Variants in VWA8 observed in about 807,000 individuals in gnomAD.
VWA8 encodes the protein von Willebrand factor A domain containing 8, also known as von Willebrand factor A domain-containing protein 8.
Under a neutral mutation model 241.5 loss-of-function variants are expected in VWA8, and 221 were observed. The ratio of observed to expected loss-of-function variants is 0.91; its 90% CI spans 0.82 to 1.02. The LOEUF is 1.02. VWA8 is among the 50% of genes least tolerant of loss of function. The pLI is 0.00. For missense variants in VWA8, 2,322 were observed against 2,328.7 expected, an observed-to-expected ratio of 1.00 and a Z score of 0.06; for synonymous variants, 852 against 827.1, an observed-to-expected ratio of 1.03 and a Z score of -0.52.
intron 34 of VWA8, among the ~76,000 whole-genome samples, chr13:41,685,627 A>C (rs943159023): frequency 1.5e-4 from 23 of 152,216 alleles, no homozygotes; most frequent in African/African-American, 5.5e-4. Context: ...CTGCTTTGTC[A>C]ATAATCATAA....
intron 2 of VWA8, among the ~76,000 whole-genome samples, chr13:41,944,799 C>T (rs915905917): frequency 6.6e-6 from 1 of 151,826 alleles, no homozygotes; most frequent in Non-Finnish European, 1.5e-5. Context: ...CTACTGTATG[C>T]AAACAGCACT....
At chr13:41,645,449 C>T (rs113078214) in intron 37 of VWA8, among the ~76,000 whole-genome samples, 2 of 152,210 alleles carry the variant, frequency 1.3e-5, no homozygotes, top group African/African-American at 4.8e-5. Context: ...TGACCTCACT[C>T]AGGAAGTTCA....
At chr13:41,641,831 G>A (rs114228351) in intron 37 of VWA8, among the ~76,000 whole-genome samples, 328 of 151,526 alleles carry the variant, frequency 2.2e-3, no homozygotes, top group African/African-American at 7.5e-3. Flanking sequence ...TGGGAGAAGT[G>A]GAAAACCTTT....
chr13:41,694,539 A>G (rs1222914041), intron 29 of VWA8, among the ~76,000 whole-genome samples: 2 of 152,074 alleles, frequency 1.3e-5, no homozygotes, highest in Admixed American at 6.6e-5. Flanking sequence ...GATATCTTAG[A>G]GTTTTCCTTA....
At position 41,913,737 on chromosome 13, in the gene VWA8, C is replaced by T. The variant is rs533145128; in HGVS notation, c.242-1569G>A. ...GGTTTATCATGTCACTGGAGTCACACTAAAGCATATTATAATCTCCCCAAA... is the reference window on the plus strand; with the variant it reads ...GGTTTATCATGTCACTGGAGTCACATTAAAGCATATTATAATCTCCCCAAA... On this transcript the variant is annotated intron_variant, in intron 2 of 44. Transcript: ENST00000379310. 2.0e-5 allele frequency among the ~76,000 whole-genome samples: 3 copies of T among 152,296 alleles called. No individual in the cohort carries two copies. In the South Asian group the frequency reaches 6.2e-4, roughly 32 times the overall value.
At chr13:41,603,702 G>A (rs1398753443) in intron 40 of VWA8, among the ~76,000 whole-genome samples, 1 of 152,048 alleles carries the variant, frequency 6.6e-6, no homozygotes, top group Non-Finnish European at 1.5e-5. Context: ...TCCCACCAGG[G>A]TGTGCTTTTC....
chr13:41,899,611 TC>T (rs1875323014), intron 4 of VWA8, among the ~76,000 whole-genome samples: 1 of 152,202 alleles, frequency 6.6e-6, no homozygotes, highest in South Asian at 2.1e-4. Flanking sequence ...TCCTGGTTCT[TC>T]CTTAAAATAG....
chr13:41,752,663 C>G (rs1274232982), intron 21 of VWA8, among the ~76,000 whole-genome samples: 1 of 152,022 alleles, frequency 6.6e-6, no homozygotes, highest in Non-Finnish European at 1.5e-5. Flanking sequence ...CAGTGCAAAC[C>G]AATGTTTGAT....
chr13:41,886,708 T>TAATC (rs1166999689), intron 7 of VWA8, 73 bp downstream of exon 7: 9 of 1,224,692 alleles, frequency 7.3e-6, no homozygotes, highest in African/African-American at 1.5e-5. Context: ...CTGAATTAAT[T>TAATC]AATCAATCAA....
chr13:41,720,820 A>G (rs1321529698), intron 25 of VWA8, among the ~76,000 whole-genome samples: 2 of 152,048 alleles, frequency 1.3e-5, no homozygotes, highest in Admixed American at 1.3e-4. Context: ...TTGTTCTGTA[A>G]GTAAGATTTA....
In VWA8 at chr13:41,711,747, G is replaced by A. The variant is rs562109859; in HGVS notation, c.3116+7844C>T. Among the ~76,000 whole-genome samples the A allele has an allele frequency of 2.6e-4, 39 of 152,132 alleles. 1 individual carries two copies. The highest frequency in any genetic ancestry group is 3.4e-3 in the Middle Eastern group (1 of 294). On this transcript the variant is annotated intron_variant, in intron 26 of 44. Transcript: ENST00000379310. ...AAATTAGCGGGGCGTGGTGGCGGGT[G>A]CCTATAGTCCCAGCTACTTGGGAGG... is the stretch of plus-strand genomic sequence containing the variant.
At chr13:41,649,601 T>C (rs1282610688) in intron 37 of VWA8, among the ~76,000 whole-genome samples, 1 of 151,754 alleles carries the variant, frequency 6.6e-6, no homozygotes, top group Non-Finnish European at 1.5e-5. Flanking sequence ...ATCATTTTTG[T>C]TTAGTACTGT....
At chr13:41,910,991 CT>C (rs1875966294) in intron 3 of VWA8, among the ~76,000 whole-genome samples, 1 of 151,848 alleles carries the variant, frequency 6.6e-6, no homozygotes, top group Admixed American at 6.6e-5. Context: ...TGGTGGCATT[CT>C]TTCATTAATC....
intron 10 of VWA8, among the ~76,000 whole-genome samples, chr13:41,868,089 T>C (rs1395416526): frequency 6.6e-6 from 1 of 152,200 alleles, no homozygotes; most frequent in Non-Finnish European, 1.5e-5. Context: ...TAGCACAAAA[T>C]GCTGTCAGTA....
intron 17 of VWA8, among the ~76,000 whole-genome samples, chr13:41,800,793 CAA>C (rs34852903): frequency 1.2e-4 from 10 of 81,070 alleles, no homozygotes; most frequent in African/African-American, 1.2e-4. Flanking sequence ...ACTCCATCTC[CAA>C]AAAAAAAAAA....
At chr13:41,730,554 T>G (rs564989026) in intron 22 of VWA8, among the ~76,000 whole-genome samples, 2 of 152,224 alleles carry the variant, frequency 1.3e-5, no homozygotes, top group Admixed American at 6.5e-5. Context: ...GAATCTATAG[T>G]CTTGGCAACT....
intron 23 of VWA8, among the ~76,000 whole-genome samples, chr13:41,727,611 G>C (rs2045447268): frequency 6.6e-6 from 1 of 152,040 alleles, no homozygotes; most frequent in African/African-American, 2.4e-5. Flanking sequence ...CTTAAGCCTG[G>C]CTTGAGATGT....
chr13:41,690,458 A>G (rs1263532247), intron 32 of VWA8, among the ~76,000 whole-genome samples, 183 bp from the exon 33 acceptor site: 3 of 152,138 alleles, frequency 2.0e-5, no homozygotes, highest in East Asian at 1.9e-4. Flanking sequence ...AGAGCAGTGC[A>G]CAACAGCAAT....
At chr13:41,641,548 G>A (rs1254839802) in intron 37 of VWA8, among the ~76,000 whole-genome samples, 1 of 152,038 alleles carries the variant, frequency 6.6e-6, no homozygotes, top group Non-Finnish European at 1.5e-5. Context: ...CTCTCCATAT[G>A]TGTACTGGCT....
Sources: allele counts gnomAD v4.1 joint callset (sites outside exome capture counted in the v4.1 genomes callset), GRCh38; gene constraint gnomAD v4.1.1; transcripts MANE v1.5; gene names NCBI Gene and HGNC (gene_info 2026-07-23, HGNC 2026-07-21).